DCP1A: variants seen among roughly 807,000 people sequenced by gnomAD.
The protein encoded by DCP1A is decapping mRNA 1A, also known as mRNA-decapping enzyme 1A.
In DCP1A, 20 loss-of-function variants were observed where a neutral mutation model predicts 58.0. The observed-to-expected ratio is 0.34, with a 90% CI of 0.24 to 0.50. DCP1A has a LOEUF of 0.50. DCP1A is among the 20% of genes least tolerant of loss of function. DCP1A has a pLI of 0.98. For synonymous variants in DCP1A, 285 were observed against 275.1 expected (o/e 1.04, Z -0.36); for missense variants, 613 against 712.2 (o/e 0.86, Z 1.59).
chr3:53,307,164 G>A (rs1465790066), intron 5 of DCP1A, among the ~76,000 whole-genome samples: 2 of 151,942 alleles, frequency 1.3e-5, no homozygotes, highest in African/African-American at 4.8e-5. Flanking sequence ...GGCCAGGCTG[G>A]TCTTGAACTC....
intron 5 of DCP1A, among the ~76,000 whole-genome samples, chr3:53,307,371 G>C (rs1707507848): frequency 6.6e-6 from 1 of 152,142 alleles, no homozygotes; most frequent in African/African-American, 2.4e-5. Context: ...GGCTGGATAA[G>C]GTTGCAAAAC....
intron 5 of DCP1A, among the ~76,000 whole-genome samples, chr3:53,310,531 A>G (rs1343622259): frequency 6.6e-6 from 1 of 152,226 alleles, no homozygotes; most frequent in Non-Finnish European, 1.5e-5. Flanking sequence ...CTAGGTACCT[A>G]TGAGAACACT....
intron 3 of DCP1A, among the ~76,000 whole-genome samples, chr3:53,331,405 C>A (rs1444653424): frequency 6.6e-6 from 1 of 152,166 alleles, no homozygotes; most frequent in East Asian, 1.9e-4. Flanking sequence ...GATTATAATA[C>A]CACATTTTCA....
chr3:53,290,642 C>G, intron 8 of DCP1A, 149 bp downstream of exon 8: 2 of 699,430 alleles, frequency 2.9e-6, no homozygotes, highest in East Asian at 2.7e-5. Flanking sequence ...GGAGTCCTGG[C>G]TGGTCCAAAG....
chr3:53,338,522 C>A (rs2089153587), intron 3 of DCP1A, among the ~76,000 whole-genome samples: 1 of 151,826 alleles, frequency 6.6e-6, no homozygotes, highest in African/African-American at 2.4e-5. Flanking sequence ...AAGATTTTAT[C>A]TTTTTCTTGA....
intron 3 of DCP1A, among the ~76,000 whole-genome samples, chr3:53,328,793 T>C (rs1553690946): frequency 6.6e-6 from 1 of 152,244 alleles, no homozygotes; most frequent in African/African-American, 2.4e-5. Flanking sequence ...TAAGTCCCTC[T>C]ATGTTTTCGT....
Position 53,344,897 on chromosome 3 carries a change from C to T in DCP1A, c.176+5G>A, listed in dbSNP as rs1553692970. 1.3e-6 allele frequency: 2 copies of T among 1,588,688 alleles called. No individual in the cohort carries two copies. The highest frequency in any genetic ancestry group is 1.7e-6 in the Non-Finnish European group (2 of 1,160,614). ...AAAACAAATATACATATTTTAAAAACTTACCTTCGATATACGAATAAGGTC... is the reference window on the plus strand; with the variant it reads ...AAAACAAATATACATATTTTAAAAATTTACCTTCGATATACGAATAAGGTC... On this transcript the variant is annotated splice_donor_5th_base_variant and intron_variant, in intron 2 of 9. Transcript: ENST00000610213.
In DCP1A at chr3:53,292,504, A is replaced by G. The variant is rs34366563; in HGVS notation, c.948T>C (p.Pro316=). ...CAGCTGGCAGAGTGGGACTGAGAAC[A>G]GGGCTCAACGGGATTGTGTAGGTTG... ...HAPTYTIPLS[P]VLSPTLPAEA... The change falls in exon 7 of 10, where the codon CCT becomes CCC. Residue 316 remains proline, a synonymous_variant. Transcript: ENST00000610213. The G allele has an allele frequency of 0.018, 29,841 of 1,613,966 alleles. 311 individuals are homozygous for G. The highest frequency in any genetic ancestry group is 0.022 in the Non-Finnish European group (25,630 of 1,179,872).
intron 5 of DCP1A, among the ~76,000 whole-genome samples, chr3:53,304,657 C>T (rs1251854338): frequency 2.0e-5 from 3 of 152,180 alleles, no homozygotes; most frequent in Non-Finnish European, 4.4e-5. Context: ...ACTACAACCT[C>T]TGCCTCCTGG....
intron 6 of DCP1A, 148 bp from the exon 7 acceptor site, chr3:53,292,975 G>C: frequency 1.3e-6 from 1 of 797,514 alleles, no homozygotes; most frequent in East Asian, 2.7e-5. Context: ...ATATACTAAG[G>C]ATTAAGGCCC....
chr3:53,308,306 G>GT (rs1553688307), intron 5 of DCP1A, among the ~76,000 whole-genome samples: 10 of 151,988 alleles, frequency 6.6e-5, no homozygotes, highest in Non-Finnish European at 1.5e-5. Context: ...TATTTTTATT[G>GT]TTTTTTGAGA....
chr3:53,341,101 A>C (rs2089195539), intron 3 of DCP1A, among the ~76,000 whole-genome samples: 1 of 152,100 alleles, frequency 6.6e-6, no homozygotes, highest in South Asian at 2.1e-4. Context: ...GACAAAATAA[A>C]GTAGAAAAAG....
At chr3:53,337,506 T>C (rs529868569) in intron 3 of DCP1A, among the ~76,000 whole-genome samples, 3 of 152,352 alleles carry the variant, frequency 2.0e-5, no homozygotes, top group South Asian at 2.1e-4. Context: ...TTAAGATAAA[T>C]AGGTCAAATC....
rs150778900 is a variant in DCP1A at position 53,299,594 on chromosome 3, C to T, written c.624+4583G>A. On this transcript the variant is annotated intron_variant, in intron 6 of 9. Transcript: ENST00000610213. Reference sequence around the variant, plus strand: ...CTATAAGATAGGCACTATTCTTGAACATAGGAAACAAACAATAACAAAATA... The same window carrying T: ...CTATAAGATAGGCACTATTCTTGAATATAGGAAACAAACAATAACAAAATA... 2.8e-3 allele frequency among the ~76,000 whole-genome samples: 431 copies of T among 152,278 alleles called. 1 individual carries two copies. The highest frequency in any genetic ancestry group is 0.01 in the African/African-American group (419 of 41,558).
chr3:53,342,961 C>G (rs1489063358), intron 2 of DCP1A, among the ~76,000 whole-genome samples: 1 of 152,144 alleles, frequency 6.6e-6, no homozygotes, highest in Non-Finnish European at 1.5e-5. Flanking sequence ...TTTCTTGCAA[C>G]AAATAGATAT....
intron 1 of DCP1A, among the ~76,000 whole-genome samples, chr3:53,345,846 T>C (rs1286833521): frequency 6.6e-6 from 1 of 152,120 alleles, no homozygotes; most frequent in Non-Finnish European, 1.5e-5. Flanking sequence ...TATAAGAAAC[T>C]GGTAATCAAC....
intron 3 of DCP1A, among the ~76,000 whole-genome samples, chr3:53,339,805 A>G (rs185639636): frequency 1.1e-4 from 16 of 152,284 alleles, no homozygotes; most frequent in Admixed American, 1.0e-3. Context: ...GACTACTTTA[A>G]TAATCAAACC....
chr3:53,336,198 G>A (rs62257008), intron 3 of DCP1A, among the ~76,000 whole-genome samples: 22,482 of 152,162 alleles, frequency 0.15, 1,769 homozygotes, highest in Non-Finnish European at 0.18. Flanking sequence ...CTGCCTCCCG[G>A]GTTCAAACGA....
chr3:53,299,844 T>C (rs144156848), intron 6 of DCP1A, among the ~76,000 whole-genome samples: 1 of 152,150 alleles, frequency 6.6e-6, no homozygotes. Context: ...TTCATAAAAT[T>C]TTGTCACTAT....
Sources: gnomAD v4.1 joint callset for allele counts (sites outside exome capture counted in the v4.1 genomes callset) on GRCh38, gnomAD v4.1.1 for gene constraint, MANE v1.5 for transcripts, NCBI Gene and HGNC (gene_info 2026-07-23, HGNC 2026-07-21) for gene names.